ZFAND6: variants seen among roughly 807,000 people sequenced by gnomAD.
The protein encoded by ZFAND6 is AN1-type zinc finger protein 6.
In ZFAND6, 12 loss-of-function variants were observed where a neutral mutation model predicts 24.5. The observed-to-expected ratio is 0.49, with a 90% CI of 0.31 to 0.79. The LOEUF (loss-of-function observed/expected upper bound fraction) is 0.79. Ranked by LOEUF, ZFAND6 falls within the 30% of genes least tolerant of loss-of-function variation. The probability of loss-of-function intolerance (pLI) is 0.04; values close to 1 mark genes in which losing one functional copy is unlikely to be tolerated. For missense variants in ZFAND6, 207 were observed against 245.9 expected (o/e 0.84, Z 1.06); for synonymous variants, 92 against 81.5 (o/e 1.13, Z -0.69).
At chr15:80,061,255 A>G (rs772624847) in intron 1 of ZFAND6, among the ~76,000 whole-genome samples, 8 of 152,244 alleles carry the variant, frequency 5.3e-5, no homozygotes, top group Non-Finnish European at 1.2e-4. Context: ...TGGATTTATT[A>G]TCTTGTAGTG....
At chr15:80,114,533 G>GT (rs947448176) in intron 2 of ZFAND6, among the ~76,000 whole-genome samples, 3 of 152,096 alleles carry the variant, frequency 2.0e-5, no homozygotes, top group African/African-American at 7.2e-5. Context: ...AATAACCCAG[G>GT]TATGAAAAGC....
intron 2 of ZFAND6, among the ~76,000 whole-genome samples, chr15:80,109,997 C>G (rs1431682077): frequency 1.3e-5 from 2 of 152,172 alleles, no homozygotes; most frequent in Non-Finnish European, 2.9e-5. Flanking sequence ...TAGAGAAGAT[C>G]GGCTTCCTGG....
At chr15:80,108,182 A>G (rs2039434073) in intron 2 of ZFAND6, among the ~76,000 whole-genome samples, 1 of 152,220 alleles carries the variant, frequency 6.6e-6, no homozygotes, top group Admixed American at 6.5e-5. Flanking sequence ...TCTGTAAAAA[A>G]TGTGCAGTTT....
chr15:80,062,783 A>G (rs1325433679), intron 1 of ZFAND6, among the ~76,000 whole-genome samples: 1 of 152,218 alleles, frequency 6.6e-6, no homozygotes, highest in East Asian at 1.9e-4. Flanking sequence ...AAGAAAAGCC[A>G]CCTATAACAC....
chr15:80,082,140 TGGAGTATACATA>T (rs1449000530), intron 1 of ZFAND6, among the ~76,000 whole-genome samples: 16 of 152,242 alleles, frequency 1.1e-4, no homozygotes, highest in Admixed American at 4.6e-4. Flanking sequence ...GGAAGAGGTA[TGGAGTATACATA>T]GGATATGGGA....
At chr15:80,128,684 G>A (rs1205735999) in intron 5 of ZFAND6, among the ~76,000 whole-genome samples, 1 of 152,132 alleles carries the variant, frequency 6.6e-6, no homozygotes, top group Non-Finnish European at 1.5e-5. Context: ...TAGCCTCATG[G>A]GTATATAATC....
At chr15:80,111,814 A>C (rs1458030297) in intron 2 of ZFAND6, among the ~76,000 whole-genome samples, 3 of 152,230 alleles carry the variant, frequency 2.0e-5, no homozygotes, top group African/African-American at 7.2e-5. Context: ...GATTGCTTAT[A>C]AGATCAGTCA....
chr15:80,079,210 T>C (rs1244069711), intron 1 of ZFAND6, among the ~76,000 whole-genome samples: 2 of 152,214 alleles, frequency 1.3e-5, no homozygotes, highest in Non-Finnish European at 2.9e-5. Context: ...ATTATCTGTT[T>C]ACTCTGTTCT....
chr15:80,091,195 C>T (rs758364368), intron 1 of ZFAND6, among the ~76,000 whole-genome samples: 18 of 142,378 alleles, frequency 1.3e-4, no homozygotes, highest in Non-Finnish European at 2.1e-4. Flanking sequence ...GTCGGGCACA[C>T]GTGCACATGT....
chr15:80,127,837 C>T (rs1487737172), intron 5 of ZFAND6, among the ~76,000 whole-genome samples: 1 of 152,174 alleles, frequency 6.6e-6, no homozygotes, highest in Non-Finnish European at 1.5e-5. Context: ...CAGCATTTTT[C>T]TCCTGATTGC....
chr15:80,093,116 A>C (rs2038488328), intron 1 of ZFAND6, among the ~76,000 whole-genome samples: 1 of 151,556 alleles, frequency 6.6e-6, no homozygotes, highest in Non-Finnish European at 1.5e-5. Context: ...TACCATGCCC[A>C]GCTAATTTTT....
intron 3 of ZFAND6, 103 bp from the exon 4 acceptor site, chr15:80,121,609 C>A: frequency 6.8e-6 from 6 of 881,488 alleles, no homozygotes; most frequent in South Asian, 2.1e-5. Flanking sequence ...AAAAGAAAAC[C>A]TCTATACTGT....
chr15:80,062,208 C>T (rs547554982), intron 1 of ZFAND6, among the ~76,000 whole-genome samples: 2 of 152,276 alleles, frequency 1.3e-5, no homozygotes, highest in South Asian at 4.1e-4. Context: ...GTAAAAGAAA[C>T]TTGTCCTAAG....
At chr15:80,076,768 T>C (rs1027743868) in intron 1 of ZFAND6, among the ~76,000 whole-genome samples, 1 of 152,228 alleles carries the variant, frequency 6.6e-6, no homozygotes, top group African/African-American at 2.4e-5. Flanking sequence ...TGTGCTTTCC[T>C]GAGCTTACTT....
intron 2 of ZFAND6, among the ~76,000 whole-genome samples, chr15:80,114,011 A>T (rs2141992502): frequency 6.6e-6 from 1 of 152,238 alleles, no homozygotes; most frequent in Non-Finnish European, 1.5e-5. Flanking sequence ...GTACAAAGGT[A>T]GATGGGATAT....
intron 2 of ZFAND6, among the ~76,000 whole-genome samples, chr15:80,114,662 CAT>C (rs1300932074): frequency 9.2e-5 from 14 of 152,276 alleles, no homozygotes; most frequent in East Asian, 3.9e-4. Flanking sequence ...GTTTAAATGA[CAT>C]GTGTGTGCTG....
At chr15:80,072,539 A>G (rs773426720) in intron 1 of ZFAND6, 2 of 152,084 alleles carry the variant, frequency 1.3e-5, no homozygotes, top group African/African-American at 2.4e-5. Flanking sequence ...TTCAGCCACT[A>G]GAATTGGAGA....
At chr15:80,079,964 A>G (rs1343336869) in intron 1 of ZFAND6, among the ~76,000 whole-genome samples, 1 of 149,862 alleles carries the variant, frequency 6.7e-6, no homozygotes, top group East Asian at 2.0e-4. Flanking sequence ...GCTTTGAGAA[A>G]CAGAATACAC....
At chr15:80,114,396 G>A (rs944531100) in intron 2 of ZFAND6, among the ~76,000 whole-genome samples, 15 of 152,194 alleles carry the variant, frequency 9.9e-5, no homozygotes, top group Non-Finnish European at 2.2e-4. Context: ...AAGGACGAAT[G>A]CTAGGTTGAG....
Sources: gnomAD v4.1 joint callset for allele counts (sites outside exome capture counted in the v4.1 genomes callset) on GRCh38, gnomAD v4.1.1 for gene constraint, MANE v1.5 for transcripts, NCBI Gene and HGNC (gene_info 2026-07-23, HGNC 2026-07-21) for gene names.